Variants in SLC2A9 observed in about 807,000 individuals in gnomAD.
The protein encoded by SLC2A9 is solute carrier family 2, facilitated glucose transporter member 9.
Under a neutral mutation model 50.6 loss-of-function variants are expected in SLC2A9, and 39 were observed. The observed-to-expected ratio is 0.77, with a 90% confidence interval of 0.60 to 1.01. The LOEUF (loss-of-function observed/expected upper bound fraction) is 1.01. Among genes scored for constraint, SLC2A9 ranks in the 50% least tolerant of loss-of-function variants. The pLI is 0.00. For missense variants in SLC2A9, 686 were observed against 677.6 expected (o/e 1.01, Z -0.14); for synonymous variants, 324 against 276.9 (o/e 1.17, Z -1.69).
chr4:9,966,652 T>C (rs1450532227), intron 5 of SLC2A9, among the ~76,000 whole-genome samples: 1 of 152,076 alleles, frequency 6.6e-6, no homozygotes, highest in Non-Finnish European at 1.5e-5. Context: ...ACTGTGTCGC[T>C]AAATAAACAA....
rs562956439 is a variant in SLC2A9, at chr4:9,857,103, C to T, written c.1292-22095G>A. Among the ~76,000 whole-genome samples the T allele has an allele frequency of 5.3e-5, 8 of 152,110 alleles. No homozygotes were observed. The South Asian group carries it at 6.2e-4, about 12-fold the overall frequency. On this transcript the variant is annotated intron_variant, in intron 10 of 11. Coordinates refer to ENST00000264784, the MANE Select transcript of SLC2A9 (RefSeq NM_020041.3). ...CAAACCTGCACATGTACCCCTGAAACGAAAAGTTAAAAAAAGAAAAAAGCG... is the reference window on the plus strand; with the variant it reads ...CAAACCTGCACATGTACCCCTGAAATGAAAAGTTAAAAAAAGAAAAAAGCG...
intron 5 of SLC2A9, among the ~76,000 whole-genome samples, chr4:9,965,006 A>G (rs568117078): frequency 6.6e-6 from 1 of 152,362 alleles, no homozygotes; most frequent in African/African-American, 2.4e-5. Flanking sequence ...TTTTCTAAGT[A>G]CTGCCACATG....
chr4:9,918,308 T>C (rs1371066535), intron 7 of SLC2A9, among the ~76,000 whole-genome samples: 1 of 152,306 alleles, frequency 6.6e-6, no homozygotes, highest in East Asian at 1.9e-4. Flanking sequence ...GGTAGCTCTC[T>C]TTGTCCCGTG....
intron 10 of SLC2A9, among the ~76,000 whole-genome samples, chr4:9,842,565 T>G (rs983002941): frequency 7.9e-5 from 12 of 152,228 alleles, no homozygotes; most frequent in Admixed American, 7.9e-4. Flanking sequence ...TGCTTGTGAC[T>G]GGAAGAGATA....
chr4:9,920,568 G>A lies in SLC2A9; in HGVS notation c.819C>T (p.Phe273=), dbSNP rs780108908. ...CGTCTGCTTTACCCAAGAACGTTTG[G>A]AAGGCTGCAAACAGAGGCACACATG... is the stretch of plus-strand genomic sequence containing the variant. ...KHNEARAVKA[F]QTFLGKADVS... is the part of the protein sequence containing the mutation. Residue 273 remains phenylalanine (F), a synonymous_variant, in exon 7 of 12, where the codon TTC becomes TTT. Transcript: ENST00000264784. The A allele has an allele frequency of 1.2e-5, 20 of 1,613,998 alleles. No individual in the cohort carries two copies. The South Asian group carries it at 2.1e-4, about 17-fold the overall frequency.
rs192585916 is a variant in SLC2A9, at chr4:10,032,355, G to A, written c.-40-6349C>T. Among the ~76,000 whole-genome samples the A allele has an allele frequency of 2.0e-5, 3 of 152,278 alleles. No homozygotes were observed. The East Asian group carries it at 5.8e-4, about 29-fold the overall frequency. ...GGCCAGGGCTGGAAAGAGCTTGTGTGTGAGGGTTTCAGGGACTGGTGTGGT... is the reference window on the plus strand; with the variant it reads ...GGCCAGGGCTGGAAAGAGCTTGTGTATGAGGGTTTCAGGGACTGGTGTGGT... On this transcript the variant is annotated intron_variant, in intron 1 of 12. Coordinates refer to the SLC2A9 transcript ENST00000309065.
intron 6 of SLC2A9, chr4:9,924,229 G>T (rs1744484575): frequency 6.6e-6 from 1 of 152,202 alleles, no homozygotes; most frequent in African/African-American, 2.4e-5. Flanking sequence ...CGTGTTCCTT[G>T]TGTCCCTGTA....
intron 3 of SLC2A9, among the ~76,000 whole-genome samples, chr4:9,816,553 G>T (rs899868377): frequency 6.6e-6 from 1 of 152,246 alleles, no homozygotes. Flanking sequence ...TAAAAAGAAA[G>T]GAAAATGGTA....
chr4:9,915,825 A>C (rs1742756253), intron 7 of SLC2A9, among the ~76,000 whole-genome samples: 1 of 152,164 alleles, frequency 6.6e-6, no homozygotes, highest in Non-Finnish European at 1.5e-5. Flanking sequence ...GATTCTTCCA[A>C]CTTGATCTAG....
intron 2 of SLC2A9, among the ~76,000 whole-genome samples, chr4:10,012,811 GA>G (rs1761978391): frequency 2.0e-5 from 3 of 152,058 alleles, no homozygotes; most frequent in Non-Finnish European, 4.4e-5. Context: ...AAGAGGGAGT[GA>G]GGGGGGAAAT....
chr4:9,807,162 C>T (rs774976545), intron 3 of SLC2A9, among the ~76,000 whole-genome samples: 10 of 152,168 alleles, frequency 6.6e-5, no homozygotes, highest in Non-Finnish European at 1.0e-4. Flanking sequence ...GACACTTCCA[C>T]AAGGGATCAA....
intron 8 of SLC2A9, among the ~76,000 whole-genome samples, chr4:9,895,282 C>A (rs1409635939): frequency 6.6e-6 from 1 of 152,164 alleles, no homozygotes; most frequent in Non-Finnish European, 1.5e-5. Flanking sequence ...TAGGAAGACA[C>A]CAGGGAAACA....
At chr4:9,968,450 T>C (rs899885022) in intron 5 of SLC2A9, among the ~76,000 whole-genome samples, 1 of 152,190 alleles carries the variant, frequency 6.6e-6, no homozygotes, top group Non-Finnish European at 1.5e-5. Flanking sequence ...CTAACAGCTA[T>C]TGAGGCCTGA....
At chr4:9,949,301 G>A (rs1749769484) in intron 5 of SLC2A9, among the ~76,000 whole-genome samples, 1 of 152,174 alleles carries the variant, frequency 6.6e-6, no homozygotes, top group African/African-American at 2.4e-5. Flanking sequence ...TGTTGGGGAG[G>A]ATGAATGACA....
chr4:9,942,092 G>A (rs759617841), intron 5 of SLC2A9, 47 bp from the exon 6 acceptor site: 23 of 1,612,374 alleles, frequency 1.4e-5, no homozygotes, highest in African/African-American at 2.7e-5. Flanking sequence ...TTTGGTCATT[G>A]TTGAGGGGAC....
At chr4:9,994,828 A>G (rs1391574814) in intron 3 of SLC2A9, among the ~76,000 whole-genome samples, 1 of 152,078 alleles carries the variant, frequency 6.6e-6, no homozygotes, top group East Asian at 1.9e-4. Flanking sequence ...TCAGGTATAA[A>G]GCAAGGAGAC....
At chr4:9,981,069 G>A (rs559889948) in intron 4 of SLC2A9, among the ~76,000 whole-genome samples, 1 of 151,654 alleles carries the variant, frequency 6.6e-6, no homozygotes, top group South Asian at 2.1e-4. Context: ...GGTCATGATG[G>A]TGATGATGAT....
At chr4:9,776,903 G>A (rs533770800), downstream of SLC2A9, among the ~76,000 whole-genome samples, 38 of 152,086 alleles carry the variant, frequency 2.5e-4, no homozygotes, top group African/African-American at 6.5e-4. Flanking sequence ...TCTCCCTCCC[G>A]TGGCCACTAT....
chr4:9,819,072 T>C (rs895562195), intron 3 of SLC2A9, among the ~76,000 whole-genome samples: 4 of 142,096 alleles, frequency 2.8e-5, no homozygotes, highest in Admixed American at 7.2e-5. Context: ...TGAGCCAAGA[T>C]TGCACCATTG....
Sources: gnomAD v4.1 joint callset for allele counts (sites outside exome capture counted in the v4.1 genomes callset) on GRCh38, gnomAD v4.1.1 for gene constraint, MANE v1.5 for transcripts, NCBI Gene and HGNC (gene_info 2026-07-23, HGNC 2026-07-21) for gene names.